The following ADISSP variants were observed in gnomAD, a reference collection of about 807,000 sequenced individuals.
ADISSP encodes the protein adipose secreted signaling protein.
At chr20:3,755,161 G>C in the ADISSP span, among the ~76,000 whole-genome samples, 1 of 152,158 alleles carries the variant, frequency 6.6e-6, no homozygotes, top group Non-Finnish European at 1.5e-5. Context: ...TAGAGGGTTA[G>C]GGAGGCAGGA....
At chr20:3,762,579 G>A in the ADISSP span, among the ~76,000 whole-genome samples, 3 of 152,102 alleles carry the variant, frequency 2.0e-5, no homozygotes, top group Admixed American at 2.0e-4. Context: ...CTCAAACTCC[G>A]GAGCTTAAGC....
the ADISSP span, among the ~76,000 whole-genome samples, chr20:3,760,757 C>A: frequency 3.3e-5 from 5 of 152,218 alleles, no homozygotes; most frequent in Non-Finnish European, 7.3e-5. Flanking sequence ...GGTGTGCCCC[C>A]ACCTGAACCC....
chr20:3,763,296 G>A, the ADISSP span, among the ~76,000 whole-genome samples: 2 of 144,018 alleles, frequency 1.4e-5, no homozygotes, highest in Non-Finnish European at 3.0e-5. Flanking sequence ...GGTGGCTCAC[G>A]CCTGTAATCA....
At chr20:3,764,517 A>G in the ADISSP span, among the ~76,000 whole-genome samples, 2 of 152,196 alleles carry the variant, frequency 1.3e-5, no homozygotes. Context: ...ACAGGGTCTC[A>G]GCCCCAACAT....
chr20:3,757,026 A>AAAACAAATAAATAAATAAAT, the ADISSP span, among the ~76,000 whole-genome samples: 17 of 150,924 alleles, frequency 1.1e-4, 1 homozygote, highest in African/African-American at 3.9e-4. Context: ...TGTTTTCAGA[A>AAAACAAATAAATAAATAAAT]AAATAAATAA....
At chr20:3,754,088 T>C in the ADISSP span, 2 of 1,613,472 alleles carry the variant, frequency 1.2e-6, no homozygotes, top group African/African-American at 2.7e-5. Flanking sequence ...CGCTGTGCTC[T>C]GAGTCGTATT....
At chr20:3,754,502 C>T in the ADISSP span, 1 of 1,613,854 alleles carries the variant, frequency 6.2e-7, no homozygotes, top group Non-Finnish European at 8.5e-7. Flanking sequence ...GCCGAGTACT[C>T]ACACTTGACA....
the ADISSP span, among the ~76,000 whole-genome samples, chr20:3,760,405 C>T: frequency 6.6e-6 from 1 of 152,228 alleles, no homozygotes. Context: ...CCCAGTGACT[C>T]AGGGTCCTGC....
the ADISSP span, among the ~76,000 whole-genome samples, chr20:3,765,428 T>C: frequency 6.6e-6 from 1 of 152,200 alleles, no homozygotes; most frequent in Non-Finnish European, 1.5e-5. Context: ...GGGTGAGTTC[T>C]TTCACTTCTC....
chr20:3,757,756 G>A, the ADISSP span, among the ~76,000 whole-genome samples: 15 of 152,180 alleles, frequency 9.9e-5, no homozygotes, highest in African/African-American at 3.6e-4. Context: ...AGCCTCCCAA[G>A]TAGCTGGGAC....
the ADISSP span, among the ~76,000 whole-genome samples, chr20:3,759,396 G>A: frequency 6.6e-6 from 1 of 152,180 alleles, no homozygotes. This position sits in a 1 kb window ranked among gnomAD's most constrained non-coding sequence, Gnocchi z 4.6. Flanking sequence ...GGCCAGAAAG[G>A]GCAGACGGAT....
the ADISSP span, chr20:3,760,168 C>T: frequency 1.5e-5 from 20 of 1,314,838 alleles, no homozygotes; most frequent in East Asian, 1.6e-4. Context: ...TCCCATGCTC[C>T]AGGGACACCA....
At chr20:3,766,836 AG>A in the ADISSP span, among the ~76,000 whole-genome samples, 1 of 152,166 alleles carries the variant, frequency 6.6e-6, no homozygotes, top group Admixed American at 6.5e-5. Flanking sequence ...TCCCCGGAGC[AG>A]AAAAATGCCC....
chr20:3,757,282 G>A, the ADISSP span, among the ~76,000 whole-genome samples: 1 of 152,028 alleles, frequency 6.6e-6, no homozygotes, highest in African/African-American at 2.4e-5. Flanking sequence ...CCTGGGAGCT[G>A]GAGGTTGCAG....
the ADISSP span, among the ~76,000 whole-genome samples, chr20:3,762,487 C>A: frequency 6.6e-6 from 1 of 152,100 alleles, no homozygotes; most frequent in Non-Finnish European, 1.5e-5. Context: ...CCTCCCACCC[C>A]AGCCTGCCAA....
chr20:3,754,689 G>A, the ADISSP span, among the ~76,000 whole-genome samples: 4 of 152,218 alleles, frequency 2.6e-5, no homozygotes, highest in African/African-American at 9.6e-5. Context: ...CCCCTAGCAG[G>A]GGTGCACAGG....
At chr20:3,757,921 G>A in the ADISSP span, among the ~76,000 whole-genome samples, 1 of 151,900 alleles carries the variant, frequency 6.6e-6, no homozygotes, top group Non-Finnish European at 1.5e-5. Context: ...CCCGACCCAA[G>A]GGCACTCCTG....
At chr20:3,753,754 G>A in the ADISSP span, 1 of 456,762 alleles carries the variant, frequency 2.2e-6, no homozygotes, top group South Asian at 2.3e-5. Context: ...GTGGCTTGGG[G>A]TGGGGAGTGG....
At chr20:3,757,754 A>G in the ADISSP span, among the ~76,000 whole-genome samples, 9 of 152,202 alleles carry the variant, frequency 5.9e-5, no homozygotes, top group South Asian at 8.3e-4. Flanking sequence ...TCAGCCTCCC[A>G]AGTAGCTGGG....
Sources: allele counts gnomAD v4.1 joint callset (sites outside exome capture counted in the v4.1 genomes callset), GRCh38; gene constraint gnomAD v4.1.1; non-coding constraint Gnocchi (gnomAD v3.1); transcripts MANE v1.5; gene names NCBI Gene and HGNC (gene_info 2026-07-23, HGNC 2026-07-21).